The following SPHKAP variants were observed in gnomAD, a reference collection of about 807,000 sequenced individuals.
The protein encoded by SPHKAP is A-kinase anchor protein SPHKAP.
SPHKAP carries 67 observed loss-of-function variants against 137.5 expected under a neutral mutation model. The observed-to-expected ratio is 0.49, with a 90% CI of 0.40 to 0.60. The LOEUF (loss-of-function observed/expected upper bound fraction) is 0.60. SPHKAP is among the 20% of genes least tolerant of loss of function. The pLI, the probability that SPHKAP is intolerant of heterozygous loss-of-function variation, is 0.00. For missense variants in SPHKAP, 2,097 were observed against 2,069.3 expected (o/e 1.01, Z -0.26); for synonymous variants, 813 against 785.3 (o/e 1.04, Z -0.59).
At chr2:228,092,602 A>G (rs1032954130) in intron 3 of SPHKAP, among the ~76,000 whole-genome samples, 2 of 146,352 alleles carry the variant, frequency 1.4e-5, no homozygotes, top group Non-Finnish European at 3.0e-5. Context: ...ATATGTATAT[A>G]CATATATATG....
At chr2:227,998,123 C>T (rs1213750937) in intron 7 of SPHKAP, among the ~76,000 whole-genome samples, 2 of 152,192 alleles carry the variant, frequency 1.3e-5, no homozygotes, top group Non-Finnish European at 2.9e-5. Context: ...TCCCCTGCCT[C>T]GGCCTCCCAA....
intron 2 of SPHKAP, among the ~76,000 whole-genome samples, chr2:228,114,217 C>A (rs1391011875): frequency 6.6e-6 from 1 of 152,088 alleles, no homozygotes; most frequent in East Asian, 1.9e-4. Flanking sequence ...GGCACATTTT[C>A]TTTTCAAATT....
intron 2 of SPHKAP, among the ~76,000 whole-genome samples, chr2:228,122,404 T>G (rs1574869191): frequency 6.6e-6 from 1 of 152,304 alleles, no homozygotes; most frequent in East Asian, 1.9e-4. Context: ...AAGGTTGGCA[T>G]GTTGGACTGT....
chr2:228,049,967 C>G (rs55967648), intron 3 of SPHKAP, among the ~76,000 whole-genome samples: 1 of 152,036 alleles, frequency 6.6e-6, no homozygotes, highest in African/African-American at 2.4e-5. Context: ...TATTCAATAT[C>G]TATAAGAAAC....
chr2:228,036,513 C>T (rs968662402), intron 3 of SPHKAP, among the ~76,000 whole-genome samples: 2 of 152,190 alleles, frequency 1.3e-5, no homozygotes, highest in African/African-American at 4.8e-5. Context: ...TACCATTTGA[C>T]TCAGCCATCC....
intron 4 of SPHKAP, 75 bp downstream of exon 4, chr2:228,027,409 G>A (rs1261479266): frequency 1.4e-6 from 2 of 1,444,134 alleles, no homozygotes; most frequent in East Asian, 2.3e-5. Context: ...TACAAAATGA[G>A]CATTATTTAC....
chr2:228,070,634 C>A (rs183771933), intron 3 of SPHKAP, among the ~76,000 whole-genome samples: 4 of 152,062 alleles, frequency 2.6e-5, no homozygotes. Context: ...TATAATACAT[C>A]GTCTTTCTCA....
intron 2 of SPHKAP, among the ~76,000 whole-genome samples, chr2:228,119,980 C>A (rs961670844): frequency 9.2e-5 from 14 of 152,072 alleles, no homozygotes; most frequent in African/African-American, 3.4e-4. Flanking sequence ...ACCATTGACA[C>A]CTAAGAAAAT....
intron 3 of SPHKAP, among the ~76,000 whole-genome samples, chr2:228,051,212 G>A (rs1362564044): frequency 1.2e-4 from 18 of 151,988 alleles, no homozygotes; most frequent in Admixed American, 1.2e-3. Flanking sequence ...TGTTCAGTAG[G>A]GACTACATTG....
At chr2:228,095,265 G>T (rs1438080203) in intron 3 of SPHKAP, among the ~76,000 whole-genome samples, 1 of 152,158 alleles carries the variant, frequency 6.6e-6, no homozygotes, top group African/African-American at 2.4e-5. Flanking sequence ...TCCAGAGATG[G>T]TAGTTATGAA....
intron 3 of SPHKAP, among the ~76,000 whole-genome samples, chr2:228,080,777 T>TAAGGGAAA (rs1559162794): frequency 7.0e-5 from 5 of 71,214 alleles, no homozygotes; most frequent in African/African-American, 2.6e-4. Context: ...TAAAATAAAA[T>TAAGGGAAA]AAAATAAAAC....
rs779250422 is a variant in SPHKAP at position 228,018,133 on chromosome 2, G to A, written c.2721C>T (p.Asp907=). ...GCGTGGATTGAGCAGGAAGCAGCAG[G>A]TCATCCCCTAACAAGGACAGGTTGA... ...VQVNLSLLGD[D]LLLPAQSTLQ... The change falls in exon 7 of 12, where the codon GAC becomes GAT. Residue 907 remains aspartate (D), a synonymous_variant. Coordinates refer to ENST00000392056, the MANE Select transcript of SPHKAP (RefSeq NM_001142644.2). 6.8e-6 allele frequency: 11 copies of A among 1,614,154 alleles called. No homozygotes were observed. Among genetic ancestry groups the A allele is most frequent in the Non-Finnish European group, 9.3e-6 (11 of 1,180,030 alleles).
At chr2:228,028,072 G>A (rs1034801705) in intron 3 of SPHKAP, 7 of 984,798 alleles carry the variant, frequency 7.1e-6, no homozygotes, top group African/African-American at 1.8e-5. Context: ...ACAAATGCCC[G>A]CTTCCTTTCA....
intron 1 of SPHKAP, among the ~76,000 whole-genome samples, chr2:228,163,297 G>A (rs1417484360): frequency 6.6e-6 from 1 of 152,072 alleles, no homozygotes; most frequent in Non-Finnish European, 1.5e-5. Flanking sequence ...TGGGGATCCA[G>A]GGAGACAGAG....
At chr2:228,144,253 T>C (rs1349395163) in intron 1 of SPHKAP, among the ~76,000 whole-genome samples, 1 of 152,216 alleles carries the variant, frequency 6.6e-6, no homozygotes, top group African/African-American at 2.4e-5. Context: ...TTCTATAGAA[T>C]GTATTTGTTT....
intron 1 of SPHKAP, among the ~76,000 whole-genome samples, chr2:228,171,339 A>G (rs983064689): frequency 1.3e-5 from 2 of 152,108 alleles, no homozygotes; most frequent in Admixed American, 6.6e-5. Flanking sequence ...AAGGAAGGGG[A>G]CTGGGCAAGA....
chr2:228,137,687 A>G (rs1218155923), intron 1 of SPHKAP, among the ~76,000 whole-genome samples: 2 of 152,188 alleles, frequency 1.3e-5, no homozygotes, highest in Non-Finnish European at 2.9e-5. Context: ...CTAGAAAAAA[A>G]AATTAAAACT....
intron 3 of SPHKAP, among the ~76,000 whole-genome samples, chr2:228,045,566 C>G (rs565827168): frequency 2.0e-5 from 3 of 151,598 alleles, no homozygotes; most frequent in Non-Finnish European, 2.9e-5. Context: ...CATGGACACA[C>G]GAAGGGGAAC....
chr2:228,169,872 G>C (rs978662681), intron 1 of SPHKAP: 1 of 151,748 alleles, frequency 6.6e-6, no homozygotes, highest in Non-Finnish European at 1.5e-5. Context: ...AAATTACAAG[G>C]GTATAGTTGC....
Sources: gnomAD v4.1 joint callset for allele counts (sites outside exome capture counted in the v4.1 genomes callset) on GRCh38, gnomAD v4.1.1 for gene constraint, MANE v1.5 for transcripts, NCBI Gene and HGNC (gene_info 2026-07-23, HGNC 2026-07-21) for gene names.